KLHL6: variants seen among roughly 807,000 people sequenced by gnomAD.
KLHL6 encodes kelch like family member 6.
Under a neutral mutation model 58.6 loss-of-function variants are expected in KLHL6, and 41 were observed. The observed-to-expected ratio is 0.70, with a 90% CI of 0.55 to 0.91. The LOEUF is 0.91. Ranked by LOEUF, KLHL6 falls within the 40% of genes least tolerant of loss-of-function variation. The pLI, the probability that KLHL6 is intolerant of heterozygous loss-of-function variation, is 0.00. For synonymous variants in KLHL6, 338 were observed against 322.7 expected (o/e 1.05, Z -0.51); for missense variants, 714 against 805.6 (o/e 0.89, Z 1.38).
intron 2 of KLHL6, among the ~76,000 whole-genome samples, chr3:183,515,976 A>G (rs1302405334): frequency 6.6e-6 from 1 of 152,264 alleles, no homozygotes; most frequent in Non-Finnish European, 1.5e-5. Context: ...AGGTGTTAGA[A>G]TTAGCATTTG....
chr3:183,549,914 A>C (rs1463041912), intron 1 of KLHL6, among the ~76,000 whole-genome samples: 2 of 152,226 alleles, frequency 1.3e-5, no homozygotes, highest in Non-Finnish European at 2.9e-5. Flanking sequence ...TCTCTAGGAA[A>C]TAAATAAATA....
At position 183,555,428 on chromosome 3, in the gene KLHL6, A is replaced by G. The variant is rs1713077431; in HGVS notation, c.226T>C (p.Leu76=). Residue 76 remains leucine, a synonymous_variant, in exon 1 of 7, where the codon TTG becomes CTG. Transcript: ENST00000341319. ...GAGAATTCCTGAATGTCCACACACA[A>G]GATGACATCTGTCAGAGCGTTTTCC... ...RMENALTDVI[L]CVDIQEFSCH... is the part of the protein sequence containing the mutation. 1 of 1,614,146 alleles carries G rather than the reference A, an allele frequency of 6.2e-7. No individual in the cohort carries two copies. The highest frequency in any genetic ancestry group is 8.5e-7 in the Non-Finnish European group (1 of 1,179,998).
chr3:183,500,888 G>A (rs1288024290), intron 3 of KLHL6, among the ~76,000 whole-genome samples: 8 of 152,182 alleles, frequency 5.3e-5, no homozygotes, highest in African/African-American at 1.9e-4. Flanking sequence ...GTAACAAATA[G>A]GTTACAGTAG....
intron 1 of KLHL6, among the ~76,000 whole-genome samples, chr3:183,552,518 A>G (rs2108702381): frequency 6.6e-6 from 1 of 151,912 alleles, no homozygotes; most frequent in South Asian, 2.1e-4. Flanking sequence ...GGAGATGGAG[A>G]CCATCCTGGC....
At chr3:183,524,882 C>T (rs565448621) in intron 2 of KLHL6, among the ~76,000 whole-genome samples, 1 of 152,348 alleles carries the variant, frequency 6.6e-6, no homozygotes, top group Non-Finnish European at 1.5e-5. Context: ...CCATCACTGG[C>T]ACACTTTTCT....
In KLHL6 at chr3:183,508,073, G is replaced by C; in HGVS notation, c.895C>G (p.Leu299Val). ...CTTCTACTCACCTCATTGCCAGAAA[G>C]GTGGTACATCCTGGCTTCCTGGAGC... ...PLLQEARMYH[L>V]SGNEIISERT... Residue 299 changes from leucine (L) to valine (V), a missense_variant, in exon 3 of 7, where the codon CTT becomes GTT. Physicochemically the swap from Leu to Val is conservative, Grantham distance 32. Around this residue, in one of 2 missense-constraint regions of KLHL6, gnomAD observed 510 missense variants for 629.7 expected, o/e 0.81. Transcript: ENST00000341319. The C allele has an allele frequency of 6.2e-7, 1 of 1,613,652 alleles. No homozygotes were observed. The highest frequency in any genetic ancestry group is 1.7e-4 in the Middle Eastern group (1 of 6,058).
chr3:183,555,272 G>A, intron 1 of KLHL6, 89 bp downstream of exon 1: 2 of 1,055,522 alleles, frequency 1.9e-6, no homozygotes, highest in South Asian at 1.5e-5. Flanking sequence ...TAAATATCAT[G>A]GCCAACTGTT....
At chr3:183,533,629 C>A (rs1286604997) in intron 1 of KLHL6, among the ~76,000 whole-genome samples, 1 of 152,122 alleles carries the variant, frequency 6.6e-6, no homozygotes, top group Non-Finnish European at 1.5e-5. Context: ...CTGTTTATGG[C>A]TTCCCAGAAA....
rs1717794816 is a variant in KLHL6 at position 183,499,108 on chromosome 3, G to A, written c.1147+482C>T. 6.6e-6 allele frequency among the ~76,000 whole-genome samples: 1 copy of A among 152,282 alleles called. No homozygotes were observed. The highest frequency in any genetic ancestry group is 1.9e-4 in the East Asian group (1 of 5,184). On this transcript the variant is annotated intron_variant, in intron 4 of 6. Coordinates refer to ENST00000341319, the MANE Select transcript of KLHL6 (RefSeq NM_130446.4). This position sits in a 1 kb window ranked among gnomAD's most constrained non-coding sequence, Gnocchi z 4.6. The stretch of plus-strand genomic sequence containing the variant: ...TGTAATCCCAGCACTTTGGGAGGCC[G>A]AAGCTGGTGCATCACCTATGGTCAG...
intron 3 of KLHL6, among the ~76,000 whole-genome samples, chr3:183,500,205 C>T (rs1033067239): frequency 3.9e-5 from 6 of 152,166 alleles, no homozygotes; most frequent in African/African-American, 7.2e-5. Context: ...TTTTATTTGG[C>T]GCTACTTTCC....
intron 1 of KLHL6, among the ~76,000 whole-genome samples, chr3:183,539,616 G>A (rs1314504877): frequency 2.6e-5 from 4 of 151,840 alleles, no homozygotes; most frequent in African/African-American, 9.7e-5. Context: ...GGCTGAGGCA[G>A]GAGAATTGCT....
intron 1 of KLHL6, among the ~76,000 whole-genome samples, chr3:183,550,012 G>A (rs1272276324): frequency 6.6e-6 from 1 of 151,896 alleles, no homozygotes; most frequent in Non-Finnish European, 1.5e-5. Context: ...ACAGAAGAGT[G>A]GTTTTTTAAA....
intron 2 of KLHL6, among the ~76,000 whole-genome samples, chr3:183,527,292 TA>T (rs923321534): frequency 1.3e-5 from 2 of 152,176 alleles, no homozygotes; most frequent in Middle Eastern, 3.2e-3. Context: ...TTTTGTACAT[TA>T]AAAAAGCTAT....
chr3:183,493,753 C>A, intron 5 of KLHL6: 1 of 344,652 alleles, frequency 2.9e-6, no homozygotes, highest in Non-Finnish European at 5.4e-6. Context: ...TCTGAGGAGA[C>A]AAGACTCTAC....
intron 1 of KLHL6, among the ~76,000 whole-genome samples, chr3:183,530,186 T>A (rs1438180896): frequency 6.6e-6 from 1 of 152,100 alleles, no homozygotes; most frequent in African/African-American, 2.4e-5. Flanking sequence ...CTGTCACAAA[T>A]ACTGAAAAAA....
chr3:183,538,461 C>T (rs1380567991), intron 1 of KLHL6, among the ~76,000 whole-genome samples: 2 of 152,202 alleles, frequency 1.3e-5, no homozygotes, highest in Non-Finnish European at 2.9e-5. Context: ...ACGAACTCCC[C>T]TGTTTCACTG....
intron 1 of KLHL6, among the ~76,000 whole-genome samples, chr3:183,529,709 C>T (rs1208842223): frequency 6.6e-6 from 1 of 151,774 alleles, no homozygotes; most frequent in Non-Finnish European, 1.5e-5. Flanking sequence ...CTCTTGAACC[C>T]AGGAGGCAGA....
In KLHL6 at chr3:183,509,950, C is replaced by T. The variant is rs371275407; in HGVS notation, c.460-1442G>A. ...TATATCCTTTAAAATGAATACGTAC[C>T]GCTTTTGTCATTAAAAAATCAATTT... is the stretch of plus-strand genomic sequence containing the variant. On this transcript the variant is annotated intron_variant, in intron 2 of 6. Coordinates refer to ENST00000341319, the MANE Select transcript of KLHL6 (RefSeq NM_130446.4). Among the ~76,000 whole-genome samples, 11 of 151,942 alleles carry T rather than the reference C, an allele frequency of 7.2e-5. No individual in the cohort carries two copies. The East Asian group carries it at 7.7e-4, about 11-fold the overall frequency.
intron 2 of KLHL6, among the ~76,000 whole-genome samples, chr3:183,515,670 C>T (rs1360166449): frequency 6.6e-6 from 1 of 152,246 alleles, no homozygotes; most frequent in Non-Finnish European, 1.5e-5. Context: ...TGGAATCCCT[C>T]CCTCCTCTGT....
Sources: gnomAD v4.1 joint callset for allele counts (sites outside exome capture counted in the v4.1 genomes callset) on GRCh38, gnomAD v4.1.1 for gene constraint, gnomAD v4.1.1 regional missense constraint, Gnocchi (gnomAD v3.1) non-coding constraint, MANE v1.5 for transcripts, NCBI Gene and HGNC (gene_info 2026-07-23, HGNC 2026-07-21) for gene names.